ZNF385D: variants seen among roughly 807,000 people sequenced by gnomAD.
ZNF385D encodes the protein zinc finger protein 659.
Under a neutral mutation model 35.8 loss-of-function variants are expected in ZNF385D, and 15 were observed. That is an observed-to-expected ratio of 0.42 (90% CI 0.28 to 0.64). The LOEUF (loss-of-function observed/expected upper bound fraction) is 0.64. ZNF385D is among the 30% of genes least tolerant of loss of function. The pLI, the probability that ZNF385D is intolerant of heterozygous loss-of-function variation, is 0.23. For missense variants in ZNF385D, 474 were observed against 494.6 expected (o/e 0.96, Z 0.39); for synonymous variants, 212 against 186.8 (o/e 1.13, Z -1.10).
At chr3:22,251,204 G>A (rs892892687) in intron 2 of ZNF385D, among the ~76,000 whole-genome samples, 1 of 152,084 alleles carries the variant, frequency 6.6e-6, no homozygotes. Context: ...TAAAGTAGAC[G>A]TGAAAAGAAG....
chr3:22,279,596 A>G (rs543930830), intron 2 of ZNF385D, among the ~76,000 whole-genome samples: 1 of 144,438 alleles, frequency 6.9e-6, no homozygotes, highest in South Asian at 2.1e-4. Context: ...ATATGTACAT[A>G]TATATGTATA....
chr3:21,704,823 A>C (rs796649599), intron 1 of ZNF385D, among the ~76,000 whole-genome samples: 14 of 152,382 alleles, frequency 9.2e-5, no homozygotes, highest in African/African-American at 3.1e-4. Flanking sequence ...ATGAAGGAAT[A>C]AACTATATAA....
chr3:22,133,367 A>G (rs970475061), intron 3 of ZNF385D, among the ~76,000 whole-genome samples: 1 of 151,948 alleles, frequency 6.6e-6, no homozygotes, highest in Non-Finnish European at 1.5e-5. Context: ...ATATCTCTAT[A>G]TGGGGTGTGC....
chr3:22,137,375 G>C (rs1001445393), intron 3 of ZNF385D, among the ~76,000 whole-genome samples: 2 of 152,034 alleles, frequency 1.3e-5, no homozygotes, highest in Admixed American at 6.6e-5. Context: ...CAAAAAAAGA[G>C]AATTTTAGAC....
intron 3 of ZNF385D, among the ~76,000 whole-genome samples, chr3:21,530,813 G>A (rs547998441): frequency 2.0e-5 from 3 of 152,228 alleles, no homozygotes; most frequent in African/African-American, 4.8e-5. Flanking sequence ...TGAGAGAAGC[G>A]CAAAGGGAAC....
intron 3 of ZNF385D, among the ~76,000 whole-genome samples, chr3:21,764,215 G>A (rs2070736140): frequency 6.6e-6 from 1 of 152,156 alleles, no homozygotes; most frequent in Non-Finnish European, 1.5e-5. Flanking sequence ...AGACCCAGAG[G>A]ATAAAGCAGT....
chr3:21,749,905 A>G (rs2069976051), intron 1 of ZNF385D, among the ~76,000 whole-genome samples: 1 of 152,216 alleles, frequency 6.6e-6, no homozygotes, highest in African/African-American at 2.4e-5. Flanking sequence ...CTGAAAGAAG[A>G]CGCTAGATTT....
intron 3 of ZNF385D, among the ~76,000 whole-genome samples, chr3:21,891,432 A>G (rs1348141674): frequency 6.6e-6 from 1 of 152,178 alleles, no homozygotes; most frequent in Non-Finnish European, 1.5e-5. Context: ...TTCATTTTTC[A>G]ACCCCTTATC....
rs537158525 is a variant in ZNF385D, at chr3:22,365,804, T to C, written c.106+6646A>G. On this transcript the variant is annotated intron_variant, in intron 2 of 5. Coordinates refer to the ZNF385D transcript ENST00000494108. ...AAATGAAGACTTAAAATGAACCCCA[T>C]AGCATCCTCTGAAAGAGGTGAAAAG... Among the ~76,000 whole-genome samples, 83 of 152,230 alleles carry C rather than the reference T, an allele frequency of 5.5e-4. 1 individual carries two copies. Among genetic ancestry groups the C allele is most frequent in the African/African-American group, 1.9e-3 (80 of 41,562 alleles).
rs1329017495 is a variant in ZNF385D at position 21,750,975 on chromosome 3, G to A, written c.-59C>T. ...TCAGCATCAGCTCTCACCCAAGGCT[G>A]GCACGTAGAGCAGAGCCCTTTCATG... On this transcript the variant is annotated 5_prime_UTR_variant, in exon 1 of 8. An upstream open reading frame in the 5' UTR gains an earlier in-frame stop. Transcript: ENST00000281523. 10 of 1,613,450 alleles carry A rather than the reference G, an allele frequency of 6.2e-6. No individual in the cohort carries two copies. The highest frequency in any genetic ancestry group is 6.8e-6 in the Non-Finnish European group (8 of 1,179,854).
intron 2 of ZNF385D, among the ~76,000 whole-genome samples, chr3:22,348,851 T>C (rs1370608589): frequency 2.0e-5 from 3 of 152,168 alleles, no homozygotes; most frequent in African/African-American, 4.8e-5. Context: ...ATTTCTGTTT[T>C]TTAACCCACT....
chr3:21,590,933 C>T (rs981557642), intron 2 of ZNF385D, among the ~76,000 whole-genome samples: 22 of 152,054 alleles, frequency 1.4e-4, no homozygotes, highest in Non-Finnish European at 2.1e-4. Context: ...CAACTTCTCA[C>T]TCCTATACAC....
intron 3 of ZNF385D, among the ~76,000 whole-genome samples, chr3:21,915,519 G>A (rs996689627): frequency 1.3e-5 from 2 of 152,052 alleles, no homozygotes; most frequent in Admixed American, 6.6e-5. Context: ...GGTAAAATAA[G>A]TAAATGTGTT....
intron 2 of ZNF385D, among the ~76,000 whole-genome samples, chr3:21,607,629 C>A (rs2064523990): frequency 6.6e-6 from 1 of 152,084 alleles, no homozygotes; most frequent in South Asian, 2.1e-4. Flanking sequence ...CAGTGTCTCT[C>A]CTGGAAATGT....
At chr3:22,182,849 A>ACC (rs1695375215) in intron 2 of ZNF385D, among the ~76,000 whole-genome samples, 1 of 151,998 alleles carries the variant, frequency 6.6e-6, no homozygotes, top group Non-Finnish European at 1.5e-5. Flanking sequence ...TACAATAGAG[A>ACC]TTTTTTTCAT....
chr3:21,573,659 CAAAAT>C (rs1269941719), intron 2 of ZNF385D, among the ~76,000 whole-genome samples: 2 of 151,998 alleles, frequency 1.3e-5, no homozygotes, highest in Non-Finnish European at 2.9e-5. Context: ...GAAACAAAAA[CAAAAT>C]AGAGAAGAAT....
At chr3:21,919,602 G>A (rs2125923890) in intron 3 of ZNF385D, among the ~76,000 whole-genome samples, 1 of 152,306 alleles carries the variant, frequency 6.6e-6, no homozygotes, top group South Asian at 2.1e-4. Context: ...TGATTCACAT[G>A]CATATTAAAA....
chr3:22,038,719 T>C (rs914234459), intron 3 of ZNF385D, among the ~76,000 whole-genome samples: 15 of 151,960 alleles, frequency 9.9e-5, no homozygotes, highest in African/African-American at 3.6e-4. Context: ...CATCAAGAAT[T>C]TTAGATCTTG....
At chr3:22,199,677 A>G (rs1027478552) in intron 2 of ZNF385D, among the ~76,000 whole-genome samples, 1 of 152,156 alleles carries the variant, frequency 6.6e-6, no homozygotes, top group Non-Finnish European at 1.5e-5. Flanking sequence ...AGATGGAAAC[A>G]CTGTAGTAAA....
Sources: allele counts gnomAD v4.1 joint callset (sites outside exome capture counted in the v4.1 genomes callset), GRCh38; gene constraint gnomAD v4.1.1; transcripts MANE v1.5; gene names NCBI Gene and HGNC (gene_info 2026-07-23, HGNC 2026-07-21).